BCAS1: variants seen among roughly 807,000 people sequenced by gnomAD.
BCAS1 encodes breast carcinoma-amplified sequence 1.
In BCAS1, 46 loss-of-function variants were observed where a neutral mutation model predicts 65.4. The observed-to-expected ratio is 0.70, with a 90% CI of 0.55 to 0.90. The LOEUF (loss-of-function observed/expected upper bound fraction) is 0.90, where lower values mean the gene tolerates loss of function less well. BCAS1 is among the 40% of genes least tolerant of loss of function. BCAS1 has a pLI of 0.00. For synonymous variants in BCAS1, 298 were observed against 293.5 expected, an observed-to-expected ratio of 1.02 and a Z score of -0.16; for missense variants, 793 against 771.2, an observed-to-expected ratio of 1.03 and a Z score of -0.33.
chr20:54,037,750 A>T (rs73914475), intron 3 of BCAS1, among the ~76,000 whole-genome samples: 5,672 of 151,296 alleles, frequency 0.037, 404 homozygotes, highest in African/African-American at 0.13. Context: ...TAGATTTAGT[A>T]TTTGAACCCA....
intron 4 of BCAS1, among the ~76,000 whole-genome samples, chr20:54,023,272 C>A (rs1190786366): frequency 6.6e-6 from 1 of 152,050 alleles, no homozygotes. Flanking sequence ...AAAATAGAAA[C>A]GTTGACTATT....
intron 10 of BCAS1, among the ~76,000 whole-genome samples, chr20:53,960,179 G>T (rs574259171): frequency 2.6e-5 from 4 of 152,108 alleles, no homozygotes; most frequent in African/African-American, 9.7e-5. Flanking sequence ...GAAGAGTCAC[G>T]CATGAGCACT....
chr20:54,013,054 T>C (rs1230891327), intron 4 of BCAS1, among the ~76,000 whole-genome samples: 2 of 152,240 alleles, frequency 1.3e-5, no homozygotes, highest in African/African-American at 2.4e-5. Context: ...CCATACAACA[T>C]ATGTTACCAT....
intron 8 of BCAS1, among the ~76,000 whole-genome samples, chr20:53,982,854 C>T (rs1443162293): frequency 2.0e-5 from 3 of 152,110 alleles, no homozygotes; most frequent in Non-Finnish European, 4.4e-5. Context: ...AACAACTTAG[C>T]ACAAATAAAG....
intron 7 of BCAS1, among the ~76,000 whole-genome samples, chr20:53,992,082 G>A (rs900883078): frequency 6.6e-6 from 1 of 152,080 alleles, no homozygotes; most frequent in African/African-American, 2.4e-5. Context: ...TTTTTAATTA[G>A]CCAAATTAAT....
At chr20:54,069,936 G>T (rs915136649) in intron 1 of BCAS1, among the ~76,000 whole-genome samples, 1 of 152,238 alleles carries the variant, frequency 6.6e-6, no homozygotes, top group Non-Finnish European at 1.5e-5. Context: ...ATCAGCAGCT[G>T]CCTCATAGGG....
At chr20:54,022,166 C>T (rs189318558) in intron 4 of BCAS1, among the ~76,000 whole-genome samples, 128 of 152,240 alleles carry the variant, frequency 8.4e-4, no homozygotes, top group Admixed American at 2.2e-3. Flanking sequence ...AAGACTGAGG[C>T]GGGCTTGTGG....
At chr20:54,043,892 T>C (rs371505452) in intron 3 of BCAS1, among the ~76,000 whole-genome samples, 9 of 152,238 alleles carry the variant, frequency 5.9e-5, no homozygotes, top group African/African-American at 1.9e-4. Context: ...TCAGTTCTTG[T>C]TCCCAGAAAC....
At chr20:54,054,341 C>T (rs557824483) in intron 3 of BCAS1, among the ~76,000 whole-genome samples, 8 of 152,272 alleles carry the variant, frequency 5.3e-5, no homozygotes, top group African/African-American at 1.9e-4. Context: ...AACTAGATTT[C>T]TATTTACATA....
chr20:53,965,709 C>T (rs949396988), intron 10 of BCAS1, among the ~76,000 whole-genome samples: 6 of 152,208 alleles, frequency 3.9e-5, no homozygotes, highest in Middle Eastern at 3.4e-3. Context: ...GTGTCACTCA[C>T]GTCACCTTCA....
intron 1 of BCAS1, among the ~76,000 whole-genome samples, chr20:54,059,237 TAGAA>T (rs145150232): frequency 0.013 from 2,032 of 152,250 alleles, 22 homozygotes; most frequent in African/African-American, 0.023. Flanking sequence ...TTTTGGGAAA[TAGAA>T]AGGAGATTTT....
intron 10 of BCAS1, among the ~76,000 whole-genome samples, chr20:53,957,999 C>T (rs2089756440): frequency 6.6e-6 from 1 of 151,938 alleles, no homozygotes; most frequent in Admixed American, 6.6e-5. Context: ...AGGGGTTGGA[C>T]TTGACTCCTT....
intron 12 of BCAS1, among the ~76,000 whole-genome samples, chr20:53,947,228 A>G (rs1265678803): frequency 6.6e-6 from 1 of 152,166 alleles, no homozygotes; most frequent in African/African-American, 2.4e-5. Flanking sequence ...AGTTTTGAAG[A>G]TTAAGTGTTA....
At chr20:54,016,658 T>A (rs569902810) in intron 4 of BCAS1, among the ~76,000 whole-genome samples, 19 of 152,190 alleles carry the variant, frequency 1.2e-4, no homozygotes, top group Non-Finnish European at 2.4e-4. Context: ...GGTAGTTGAT[T>A]AAGAAATTAT....
At chr20:53,975,642 A>G (rs1027438046) in intron 8 of BCAS1, among the ~76,000 whole-genome samples, 6 of 152,074 alleles carry the variant, frequency 3.9e-5, no homozygotes, top group South Asian at 4.2e-4. Context: ...AAAATGCAAC[A>G]AAGAGAAAAT....
intron 3 of BCAS1, among the ~76,000 whole-genome samples, chr20:54,047,712 G>T (rs896774439): frequency 3.0e-5 from 4 of 135,170 alleles, no homozygotes. Flanking sequence ...TTGGTGTTTT[G>T]AACAAAAAAA....
At chr20:54,025,549 G>A (rs944129667) in intron 4 of BCAS1, among the ~76,000 whole-genome samples, 3 of 152,160 alleles carry the variant, frequency 2.0e-5, no homozygotes, top group African/African-American at 7.2e-5. Flanking sequence ...AGATTTGTAT[G>A]TTTCCCCCAG....
At chr20:53,967,728 G>A (rs945991995) in intron 9 of BCAS1, among the ~76,000 whole-genome samples, 2 of 152,238 alleles carry the variant, frequency 1.3e-5, no homozygotes, top group Non-Finnish European at 2.9e-5. Context: ...TAGTGAGCTC[G>A]ATTTCCTCTG....
chr20:53,995,811 C>T, intron 5 of BCAS1, 81 bp downstream of exon 5: 2 of 1,398,464 alleles, frequency 1.4e-6, no homozygotes. Flanking sequence ...AGTACAATAA[C>T]ATTCAAATGT....
Sources: allele counts gnomAD v4.1 joint callset (sites outside exome capture counted in the v4.1 genomes callset), GRCh38; gene constraint gnomAD v4.1.1; transcripts MANE v1.5; gene names NCBI Gene and HGNC (gene_info 2026-07-23, HGNC 2026-07-21).